The following ENOX1 variants were observed in gnomAD, a reference collection of about 807,000 sequenced individuals.
The protein encoded by ENOX1 is candidate growth-related and time keeping constitutive hydroquinone (NADH) oxidase.
ENOX1 carries 42 observed loss-of-function variants against 82.5 expected under a neutral mutation model. That is an observed-to-expected ratio of 0.51 (90% CI 0.40 to 0.66). ENOX1 has a LOEUF of 0.66. Ranked by LOEUF, ENOX1 falls within the 30% of genes least tolerant of loss-of-function variation. The pLI is 0.00. For missense variants in ENOX1, 608 were observed against 811.6 expected (o/e 0.75, Z 3.05); for synonymous variants, 271 against 282.2 (o/e 0.96, Z 0.40).
In ENOX1 at chr13:43,687,446, A is replaced by C. The variant is rs192672547; in HGVS notation, c.-284-19902T>G. 5.9e-5 allele frequency among the ~76,000 whole-genome samples: 9 copies of C among 152,264 alleles called. No individual in the cohort carries two copies. In the East Asian group the frequency reaches 7.7e-4, roughly 13 times the overall value. ...GTATGTGTGGTTACACATGTATCTC[A>C]TAGTTTCCTCTGCTTTTGTATTCTA... is the stretch of plus-strand genomic sequence containing the variant. On this transcript the variant is annotated intron_variant, in intron 1 of 16. Transcript: ENST00000690772.
intron 1 of ENOX1, among the ~76,000 whole-genome samples, chr13:43,702,134 T>A (rs966770583): frequency 6.6e-6 from 1 of 152,228 alleles, no homozygotes; most frequent in South Asian, 2.1e-4. Context: ...CTCAGAATAA[T>A]GCCCTTTAGA....
chr13:43,495,820 A>G (rs1272790585), intron 2 of ENOX1, among the ~76,000 whole-genome samples: 1 of 151,914 alleles, frequency 6.6e-6, no homozygotes, highest in Non-Finnish European at 1.5e-5. Flanking sequence ...CAGTATTACC[A>G]CATCCTCACC....
intron 2 of ENOX1, among the ~76,000 whole-genome samples, chr13:43,617,451 TGA>T (rs2082531210): frequency 6.6e-6 from 1 of 152,224 alleles, no homozygotes; most frequent in African/African-American, 2.4e-5. Flanking sequence ...TTTGCTAATT[TGA>T]GAGACAAAAA....
chr13:43,254,859 A>G (rs984831239), intron 14 of ENOX1, among the ~76,000 whole-genome samples: 1 of 152,224 alleles, frequency 6.6e-6, no homozygotes, highest in African/African-American at 2.4e-5. Flanking sequence ...ATCTGAACAT[A>G]CCAGTAACAA....
rs147581845 is a variant in ENOX1 at position 43,288,916 on chromosome 13, T to C, written c.1446+9430A>G. ...GTACAAAAATCAGTAGCACTTCTAT[T>C]CACCAACAACATCCAGGCTGAGAGT... is the stretch of plus-strand genomic sequence containing the variant. On this transcript the variant is annotated intron_variant, in intron 12 of 16. Transcript: ENST00000690772. 1.2e-4 allele frequency among the ~76,000 whole-genome samples: 19 copies of C among 152,258 alleles called. No homozygotes were observed. The East Asian group carries it at 3.7e-3, about 29-fold the overall frequency.
intron 2 of ENOX1, among the ~76,000 whole-genome samples, chr13:43,650,148 T>G (rs551120286): frequency 3.3e-5 from 5 of 152,282 alleles, no homozygotes; most frequent in Non-Finnish European, 5.9e-5. Flanking sequence ...CCATTTCCAC[T>G]CTTGAGCCTT....
chr13:43,735,767 A>G (rs912994458), intron 1 of ENOX1, among the ~76,000 whole-genome samples: 10 of 152,190 alleles, frequency 6.6e-5, no homozygotes, highest in Admixed American at 2.0e-4. Flanking sequence ...GTGAGAGATA[A>G]AAGACCAGGG....
At position 43,326,499 on chromosome 13, in the gene ENOX1, C is replaced by T. The variant is rs547030530; in HGVS notation, c.1063G>A (p.Ala355Thr). 14 of 1,614,096 alleles carry T rather than the reference C, an allele frequency of 8.7e-6. No homozygotes were observed. Among genetic ancestry groups the T allele is most frequent in the South Asian group, 6.6e-5 (6 of 91,084 alleles). Residue 355 changes from alanine (A) to threonine (T), a missense_variant, in exon 10 of 17, where the codon GCT becomes ACT. Coordinates refer to ENST00000690772, the MANE Select transcript of ENOX1 (RefSeq NM_001347969.2). ...TCCCAAGCTTTTTGTCTGGTAGAAG[C>T]GTTGAAAACGGCCACAATCTGCTCA... is the stretch of plus-strand genomic sequence containing the variant. ...QFEQIVAVFN[A>T]STRQKAWDHF... is the part of the protein sequence containing the mutation.
intron 12 of ENOX1, among the ~76,000 whole-genome samples, chr13:43,281,273 T>TA (rs1472897431): frequency 6.6e-6 from 1 of 152,208 alleles, no homozygotes; most frequent in Non-Finnish European, 1.5e-5. Context: ...CACATATTCT[T>TA]AATACCTGCT....
At chr13:43,217,475 G>A (rs1360395023) in intron 16 of ENOX1, among the ~76,000 whole-genome samples, 4 of 152,120 alleles carry the variant, frequency 2.6e-5, no homozygotes, top group Non-Finnish European at 5.9e-5. Flanking sequence ...TAACCACAAA[G>A]GAAGCAGGAC....
intron 12 of ENOX1, among the ~76,000 whole-genome samples, chr13:43,288,574 TAAG>T (rs2045831947): frequency 6.6e-6 from 1 of 152,208 alleles, no homozygotes; most frequent in Non-Finnish European, 1.5e-5. Flanking sequence ...ACACTGTTAA[TAAG>T]ATTTTCTTGC....
intron 2 of ENOX1, among the ~76,000 whole-genome samples, chr13:43,532,810 A>C (rs2078287473): frequency 1.3e-5 from 2 of 151,978 alleles, no homozygotes; most frequent in South Asian, 4.1e-4. Context: ...TTTTGTTTTC[A>C]AAAATATATT....
intron 5 of ENOX1, 109 bp from the exon 6 acceptor site, chr13:43,361,561 A>T: frequency 9.9e-7 from 1 of 1,012,744 alleles, no homozygotes; most frequent in Non-Finnish European, 1.4e-6. Context: ...ATTTTTCAGG[A>T]ATTTCTCCTG....
chr13:43,336,137 T>C (rs975144437), intron 9 of ENOX1, among the ~76,000 whole-genome samples: 6 of 152,236 alleles, frequency 3.9e-5, no homozygotes, highest in Non-Finnish European at 8.8e-5. Flanking sequence ...AAATTCCTTT[T>C]TGACAGCAGG....
intron 1 of ENOX1, among the ~76,000 whole-genome samples, chr13:43,781,316 T>C (rs900726043): frequency 1.3e-5 from 2 of 152,170 alleles, no homozygotes; most frequent in Admixed American, 6.5e-5. Flanking sequence ...GTCTGCCATA[T>C]GCCAGGCTAT....
chr13:43,388,318 A>T (rs985459001), intron 5 of ENOX1, among the ~76,000 whole-genome samples: 3 of 152,222 alleles, frequency 2.0e-5, no homozygotes, highest in Admixed American at 6.5e-5. Flanking sequence ...CAATATGAAA[A>T]AAGTAATATC....
At chr13:43,730,998 T>A (rs1026376359) in intron 1 of ENOX1, among the ~76,000 whole-genome samples, 1 of 152,158 alleles carries the variant, frequency 6.6e-6, no homozygotes, top group Admixed American at 6.5e-5. Flanking sequence ...ATGTGTCTCA[T>A]CCTTGGGGGC....
At chr13:43,680,147 G>A (rs1312020769) in intron 1 of ENOX1, among the ~76,000 whole-genome samples, 5 of 152,126 alleles carry the variant, frequency 3.3e-5, no homozygotes, top group Non-Finnish European at 7.4e-5. Flanking sequence ...TCACATATTT[G>A]TTTAGTGTTC....
chr13:43,693,515 C>T (rs565563132), intron 1 of ENOX1, among the ~76,000 whole-genome samples: 20 of 152,046 alleles, frequency 1.3e-4, no homozygotes, highest in Admixed American at 1.3e-4. Flanking sequence ...TTCTCATACA[C>T]AAAACAGTCA....
Sources: allele counts gnomAD v4.1 joint callset (sites outside exome capture counted in the v4.1 genomes callset), GRCh38; gene constraint gnomAD v4.1.1; transcripts MANE v1.5; gene names NCBI Gene and HGNC (gene_info 2026-07-23, HGNC 2026-07-21).